Variants in SLC2A9 observed in about 807,000 individuals in gnomAD.
SLC2A9 encodes solute carrier family 2, facilitated glucose transporter member 9.
In SLC2A9, 39 loss-of-function variants were observed where a neutral mutation model predicts 50.6. The ratio of observed to expected loss-of-function variants is 0.77; its 90% confidence interval spans 0.60 to 1.01. SLC2A9 has a LOEUF of 1.01. Ranked by LOEUF, SLC2A9 falls within the 50% of genes least tolerant of loss-of-function variation. SLC2A9 has a pLI of 0.00. For synonymous variants in SLC2A9, 324 were observed against 276.9 expected (o/e 1.17, Z -1.69); for missense variants, 686 against 677.6 (o/e 1.01, Z -0.14).
At chr4:9,785,505 G>A (rs1259967055) in intron 3 of SLC2A9, among the ~76,000 whole-genome samples, 2 of 152,232 alleles carry the variant, frequency 1.3e-5, no homozygotes, top group African/African-American at 4.8e-5. Context: ...AAATCTAACT[G>A]ATCTGGAAGT....
intron 7 of SLC2A9, among the ~76,000 whole-genome samples, chr4:9,910,697 T>TTC (rs1741576212): frequency 6.6e-6 from 1 of 152,156 alleles, no homozygotes; most frequent in Non-Finnish European, 1.5e-5. Context: ...CAGCACCTCC[T>TTC]TCTGGCTCCT....
At chr4:9,802,968 G>A (rs946601643) in intron 3 of SLC2A9, among the ~76,000 whole-genome samples, 7 of 152,188 alleles carry the variant, frequency 4.6e-5, no homozygotes, top group African/African-American at 1.7e-4. Context: ...AGAATACTTT[G>A]TAGATGCTGG....
At chr4:9,840,183 G>A (rs1376824632) in intron 10 of SLC2A9, among the ~76,000 whole-genome samples, 1 of 152,002 alleles carries the variant, frequency 6.6e-6, no homozygotes, top group African/African-American at 2.4e-5. Flanking sequence ...CTACTCCCTT[G>A]GGCCCCAAGC....
chr4:9,999,707 T>C (rs796974526), intron 2 of SLC2A9, among the ~76,000 whole-genome samples: 14 of 152,188 alleles, frequency 9.2e-5, no homozygotes, highest in African/African-American at 3.1e-4. Flanking sequence ...GATTCTACTC[T>C]AGATGAAGTG....
rs538030634 is a variant in SLC2A9 at position 9,929,337 on chromosome 4, T to C, written c.815-8765A>G. Among the ~76,000 whole-genome samples, 5 of 152,270 alleles carry C rather than the reference T, an allele frequency of 3.3e-5. No individual in the cohort carries two copies. In the South Asian group the frequency reaches 1.0e-3, roughly 32 times the overall value. ...AGAGCAAGGCAGTCCAAGGTGCATC[T>C]TGGGGAGACTTCTATGGGCAAAGGG... On this transcript the variant is annotated intron_variant, in intron 6 of 11. Coordinates refer to ENST00000264784, the MANE Select transcript of SLC2A9 (RefSeq NM_020041.3).
At chr4:9,855,422 T>G (rs2109346228) in intron 10 of SLC2A9, among the ~76,000 whole-genome samples, 1 of 151,962 alleles carries the variant, frequency 6.6e-6, no homozygotes, top group South Asian at 2.1e-4. Context: ...AGGCGAAAGA[T>G]CCCTACAATG....
rs138915670 is a variant in SLC2A9, at chr4:9,962,484, G to A, written c.681+18108C>T. On this transcript the variant is annotated intron_variant, in intron 5 of 11. Transcript: ENST00000264784. ...ACACAGAAACAGAAAACCAAACACTGCATGTTCTCACTTATAAGTGGGAGC... is the reference window on the plus strand; with the variant it reads ...ACACAGAAACAGAAAACCAAACACTACATGTTCTCACTTATAAGTGGGAGC... Among the ~76,000 whole-genome samples the A allele has an allele frequency of 9.5e-3, 1,444 of 152,204 alleles. 26 individuals carry two copies. Among genetic ancestry groups the A allele is most frequent in the African/African-American group, 0.033 (1,388 of 41,508 alleles).
chr4:9,998,910 T>C (rs1759266669), intron 2 of SLC2A9, among the ~76,000 whole-genome samples: 1 of 151,962 alleles, frequency 6.6e-6, no homozygotes, highest in African/African-American at 2.4e-5. Flanking sequence ...ACATACACAG[T>C]CTGATTCCAT....
intron 5 of SLC2A9, among the ~76,000 whole-genome samples, chr4:9,956,590 C>A (rs17185870): frequency 0.48 from 73,441 of 152,012 alleles, 19,100 homozygotes; most frequent in African/African-American, 0.67. Context: ...TTGTTACCAG[C>A]GGCGTTCACA....
chr4:9,945,100 A>T (rs1359620253), intron 5 of SLC2A9, among the ~76,000 whole-genome samples: 1 of 152,224 alleles, frequency 6.6e-6, no homozygotes, highest in African/African-American at 2.4e-5. Flanking sequence ...AGTGGTAAAG[A>T]TGTAATCGCC....
intron 6 of SLC2A9, among the ~76,000 whole-genome samples, chr4:9,931,252 C>T (rs942962528): frequency 6.6e-6 from 1 of 152,204 alleles, no homozygotes; most frequent in African/African-American, 2.4e-5. Flanking sequence ...CTTCCTGTGG[C>T]TCATACCTCA....
At chr4:9,967,837 T>G (rs1317664607) in intron 5 of SLC2A9, among the ~76,000 whole-genome samples, 1 of 151,972 alleles carries the variant, frequency 6.6e-6, no homozygotes, top group Admixed American at 6.5e-5. Context: ...AAACAAAAGT[T>G]ATAAGCATGC....
intron 1 of SLC2A9, among the ~76,000 whole-genome samples, chr4:10,020,081 G>A (rs574968507): frequency 2.8e-5 from 4 of 144,130 alleles, no homozygotes; most frequent in Non-Finnish European, 4.7e-5. Flanking sequence ...TGTTGTAGGC[G>A]CCAGGCCCTG....
intron 6 of SLC2A9, among the ~76,000 whole-genome samples, chr4:9,928,780 C>T (rs1426530943): frequency 1.3e-5 from 2 of 152,108 alleles, no homozygotes; most frequent in African/African-American, 2.4e-5. Flanking sequence ...CGGATCTGCA[C>T]ATTCAAAAAG....
intron 3 of SLC2A9, chr4:9,792,857 T>C (rs1185401781): frequency 6.6e-6 from 1 of 152,530 alleles, no homozygotes; most frequent in East Asian, 1.9e-4. Flanking sequence ...TATATGGCTG[T>C]AGCCTACATC....
At chr4:10,016,040 G>A (rs184734716) in intron 2 of SLC2A9, among the ~76,000 whole-genome samples, 7 of 152,328 alleles carry the variant, frequency 4.6e-5, no homozygotes, top group Middle Eastern at 3.4e-3. Flanking sequence ...CCTCCTCGGG[G>A]TGCTTGCTCT....
chr4:10,009,373 C>A (rs1761371797), intron 2 of SLC2A9: 1 of 152,238 alleles, frequency 6.6e-6, no homozygotes, highest in Non-Finnish European at 1.5e-5. Context: ...TCACTTGAAT[C>A]TTGTTTGATC....
chr4:9,992,476 G>A (rs1757879930), intron 3 of SLC2A9, among the ~76,000 whole-genome samples: 1 of 152,182 alleles, frequency 6.6e-6, no homozygotes, highest in Non-Finnish European at 1.5e-5. Flanking sequence ...ACATCTCCTG[G>A]CATTGTCAAA....
At chr4:10,034,176 CA>C (rs2109595073) in intron 1 of SLC2A9, 1 of 152,356 alleles carries the variant, frequency 6.6e-6, no homozygotes, top group East Asian at 1.9e-4. Context: ...TTTCATGACT[CA>C]AAAGAAACAA....
Sources: gnomAD v4.1 joint callset for allele counts (sites outside exome capture counted in the v4.1 genomes callset) on GRCh38, gnomAD v4.1.1 for gene constraint, MANE v1.5 for transcripts, NCBI Gene and HGNC (gene_info 2026-07-23, HGNC 2026-07-21) for gene names.